The following RALA variants were observed in gnomAD, a reference collection of about 807,000 sequenced individuals.
RALA encodes RAS like proto-oncogene A.
A neutral mutation model predicts 24.0 loss-of-function variants in RALA; 5 were observed. The ratio of observed to expected loss-of-function variants is 0.21; its 90% confidence interval spans 0.11 to 0.44. The LOEUF (loss-of-function observed/expected upper bound fraction) is 0.44, where lower values mean the gene tolerates loss of function less well. Ranked by LOEUF, RALA falls within the 20% of genes least tolerant of loss-of-function variation. RALA has a pLI of 0.99. For synonymous variants in RALA, 77 were observed against 83.8 expected, an observed-to-expected ratio of 0.92 and a Z score of 0.44; for missense variants, 95 against 241.2, an observed-to-expected ratio of 0.39 and a Z score of 4.01.
At chr7:39,675,593 G>T (rs1792470390) in intron 1 of RALA, among the ~76,000 whole-genome samples, 1 of 152,060 alleles carries the variant, frequency 6.6e-6, no homozygotes, top group Non-Finnish European at 1.5e-5. Context: ...GCTGAGGGTG[G>T]TGCGTGCCTG....
chr7:39,629,189 C>A (rs374794002), intron 1 of RALA, among the ~76,000 whole-genome samples: 2 of 152,170 alleles, frequency 1.3e-5, no homozygotes, highest in East Asian at 3.8e-4. Flanking sequence ...TACTATTTTG[C>A]ATTCCTACCA....
chr7:39,706,069 G>A (rs1380221232), intron 4 of RALA, 54 bp from the exon 5 acceptor site: 2 of 1,488,272 alleles, frequency 1.3e-6, no homozygotes, highest in Non-Finnish European at 1.8e-6. Context: ...ATTTGGAGAA[G>A]TACCAAGTTC....
chr7:39,686,447 C>CATTT (rs1227267991), intron 1 of RALA, among the ~76,000 whole-genome samples, 184 bp from the exon 2 acceptor site: 2 of 152,098 alleles, frequency 1.3e-5, no homozygotes, highest in Non-Finnish European at 2.9e-5. Context: ...GTTTTATTGC[C>CATTT]ATGGTATTCT....
chr7:39,631,533 A>G (rs1319973833), intron 1 of RALA, among the ~76,000 whole-genome samples: 1 of 152,194 alleles, frequency 6.6e-6, no homozygotes, highest in African/African-American at 2.4e-5. Context: ...TAGAGAATTG[A>G]CATCTTGATG....
chr7:39,697,701 A>G (rs1792946846), intron 4 of RALA, among the ~76,000 whole-genome samples: 3 of 152,306 alleles, frequency 2.0e-5, no homozygotes, highest in Middle Eastern at 3.4e-3. Context: ...AGAATTTATG[A>G]TTCTAGCAAG....
intron 4 of RALA, among the ~76,000 whole-genome samples, chr7:39,701,997 G>A (rs1793036497): frequency 3.3e-5 from 5 of 152,216 alleles, no homozygotes; most frequent in African/African-American, 1.2e-4. Flanking sequence ...AGAATAGAGA[G>A]AAGTTGAGCA....
At position 39,676,079 on chromosome 7, in the gene RALA, C is replaced by T. The variant is rs556721146; in HGVS notation, c.-37-10552C>T. Among the ~76,000 whole-genome samples the T allele has an allele frequency of 4.8e-4, 73 of 152,212 alleles. No individual in the cohort carries two copies. The South Asian group carries it at 0.014, about 30-fold the overall frequency. On this transcript the variant is annotated intron_variant, in intron 1 of 4. Coordinates refer to ENST00000005257, the MANE Select transcript of RALA (RefSeq NM_005402.4). The stretch of plus-strand genomic sequence containing the variant: ...GAAGCTCCGCCTCCTGGGTTCACGC[C>T]ATTCTCCTGCCTCAGCCTCCCGAGT...
At chr7:39,647,751 G>A (rs1229669063) in intron 1 of RALA, among the ~76,000 whole-genome samples, 2 of 152,124 alleles carry the variant, frequency 1.3e-5, no homozygotes, top group African/African-American at 4.8e-5. Context: ...ACCATGTGAG[G>A]TTACAGTGAG....
At chr7:39,689,782 C>G (rs1026893732) in intron 2 of RALA, among the ~76,000 whole-genome samples, 2 of 152,120 alleles carry the variant, frequency 1.3e-5, no homozygotes, top group African/African-American at 4.8e-5. Flanking sequence ...CATCTGCCTG[C>G]CTACGGTTTA....
intron 3 of RALA, among the ~76,000 whole-genome samples, chr7:39,694,206 G>A (rs1226324653): frequency 1.3e-5 from 2 of 152,174 alleles, no homozygotes; most frequent in Non-Finnish European, 2.9e-5. Flanking sequence ...AGTTATAATT[G>A]CCAGCAGTTT....
At chr7:39,664,998 T>A (rs868391279) in intron 1 of RALA, among the ~76,000 whole-genome samples, 7 of 152,186 alleles carry the variant, frequency 4.6e-5, no homozygotes, top group Admixed American at 3.3e-4. Context: ...CATAGACTCT[T>A]CCGTGATACA....
intron 1 of RALA, among the ~76,000 whole-genome samples, chr7:39,627,200 G>A (rs910668433): frequency 6.6e-6 from 1 of 151,852 alleles, no homozygotes; most frequent in African/African-American, 2.4e-5. Flanking sequence ...CATTCATAAG[G>A]ATTTGGGTTG....
chr7:39,658,115 C>T (rs1390064092), intron 1 of RALA, among the ~76,000 whole-genome samples: 1 of 152,206 alleles, frequency 6.6e-6, no homozygotes, highest in Non-Finnish European at 1.5e-5. Context: ...AGCACACAGA[C>T]AGTTGCTAAA....
intron 3 of RALA, among the ~76,000 whole-genome samples, chr7:39,695,058 CAAAAA>C (rs1230793993): frequency 1.4e-5 from 2 of 139,542 alleles, no homozygotes; most frequent in Non-Finnish European, 3.1e-5. Flanking sequence ...GACCCTGTCT[CAAAAA>C]AAAGAAAAAA....
At chr7:39,649,967 TAAC>T (rs1791993162) in intron 1 of RALA, among the ~76,000 whole-genome samples, 1 of 152,196 alleles carries the variant, frequency 6.6e-6, no homozygotes, top group Admixed American at 6.5e-5. Flanking sequence ...GAGGTGACCT[TAAC>T]AAAAGCTTTA....
At chr7:39,678,700 G>A (rs547299109) in intron 1 of RALA, among the ~76,000 whole-genome samples, 1 of 152,122 alleles carries the variant, frequency 6.6e-6, no homozygotes, top group East Asian at 1.9e-4. Flanking sequence ...ATGTACATGT[G>A]GATAAGTTGT....
At chr7:39,639,014 G>A (rs962657129) in intron 1 of RALA, among the ~76,000 whole-genome samples, 2 of 152,180 alleles carry the variant, frequency 1.3e-5, no homozygotes, top group Admixed American at 1.3e-4. Context: ...CTCTTTCTCT[G>A]CATGTTTATG....
chr7:39,670,993 G>A (rs1000479841), intron 1 of RALA, among the ~76,000 whole-genome samples: 7 of 152,090 alleles, frequency 4.6e-5, no homozygotes, highest in African/African-American at 7.2e-5. Flanking sequence ...AGTCACTTAA[G>A]CTAGGAAGTT....
At chr7:39,635,023 T>A (rs1371218784) in intron 1 of RALA, among the ~76,000 whole-genome samples, 1 of 152,194 alleles carries the variant, frequency 6.6e-6, no homozygotes, top group Non-Finnish European at 1.5e-5. Flanking sequence ...TTTATTGGGA[T>A]ATAATTCACA....
Sources: gnomAD v4.1 joint callset for allele counts (sites outside exome capture counted in the v4.1 genomes callset) on GRCh38, gnomAD v4.1.1 for gene constraint, MANE v1.5 for transcripts, NCBI Gene and HGNC (gene_info 2026-07-23, HGNC 2026-07-21) for gene names.